TRPM1: variants seen among roughly 807,000 people sequenced by gnomAD.
TRPM1 encodes the protein TRPM1-203 APA Isoform, Intron 10.
TRPM1 carries 113 observed loss-of-function variants against 149.4 expected under a neutral mutation model. That is an observed-to-expected ratio of 0.76 (90% CI 0.65 to 0.88). TRPM1 has a LOEUF of 0.88. Ranked by LOEUF, TRPM1 falls within the 40% of genes least tolerant of loss-of-function variation. The probability of loss-of-function intolerance (pLI) is 0.00; values close to 1 mark genes in which losing one functional copy is unlikely to be tolerated. For synonymous variants in TRPM1, 741 were observed against 759.5 expected, an observed-to-expected ratio of 0.98 and a Z score of 0.40; for missense variants, 1,976 against 2,038.7, an observed-to-expected ratio of 0.97 and a Z score of 0.59.
At chr15:31,087,346 G>C (rs1019081461) in intron 1 of TRPM1, among the ~76,000 whole-genome samples, 6 of 137,802 alleles carry the variant, frequency 4.4e-5, no homozygotes, top group Middle Eastern at 3.8e-3. Flanking sequence ...CCGGGTTCAC[G>C]CCATTCTCCT....
At chr15:31,146,928 C>T (rs935265657) in intron 1 of TRPM1, among the ~76,000 whole-genome samples, 2 of 151,204 alleles carry the variant, frequency 1.3e-5, no homozygotes, top group Non-Finnish European at 2.9e-5. Context: ...GCAGAGGTTG[C>T]AGTGAGCTGA....
At chr15:31,013,948 A>G (rs1262815144) in intron 27 of TRPM1, among the ~76,000 whole-genome samples, 1 of 152,206 alleles carries the variant, frequency 6.6e-6, no homozygotes, top group East Asian at 1.9e-4. Context: ...GTATGTGTAT[A>G]TAGGGGCACA....
intron 11 of TRPM1, chr15:31,060,321 G>A (rs2034192687): frequency 3.4e-6 from 2 of 588,448 alleles, no homozygotes; most frequent in Admixed American, 3.0e-5. Context: ...AAAATATTTG[G>A]TGATTAATTT....
intron 1 of TRPM1, among the ~76,000 whole-genome samples, chr15:31,129,865 AAG>A (rs766691313): frequency 2.6e-5 from 4 of 152,310 alleles, no homozygotes; most frequent in Non-Finnish European, 5.9e-5. Context: ...CTTGGCAGAG[AAG>A]AGAGAATATG....
At position 31,031,115 on chromosome 15, in the gene TRPM1, G is replaced by A; in HGVS notation, c.2995C>T (p.Leu999Phe). The part of the protein sequence containing the change: ...LYFVVIMLVV[L>F]MSFGVARQAI... ...TGACGGGCTACTCCGAAACTCATGA[G>A]CACGACCAGCATGATGACCACAAAG... is the stretch of plus-strand genomic sequence containing the variant. The change falls in exon 23 of 28, where the codon CTC (leucine) becomes TTC (phenylalanine). Residue 999 changes from leucine (L) to phenylalanine (F), a missense_variant. This residue lies in a region of TRPM1 where 1,332 missense variants were observed against 1,347.1 expected (regional missense o/e 0.99). Transcript: ENST00000256552. The A allele has an allele frequency of 6.2e-7, 1 of 1,614,184 alleles. No homozygotes were observed. The highest frequency in any genetic ancestry group is 8.5e-7 in the Non-Finnish European group (1 of 1,180,030).
chr15:31,122,654 A>AAAC (rs2035896477), intron 1 of TRPM1, among the ~76,000 whole-genome samples: 1 of 152,230 alleles, frequency 6.6e-6, no homozygotes, highest in South Asian at 2.1e-4. Flanking sequence ...GAAAACTATA[A>AAAC]AACTGTGATG....
At chr15:31,160,793 G>T (rs1157869591) in intron 1 of TRPM1, 1 of 1,216,430 alleles carries the variant, frequency 8.2e-7, no homozygotes, top group Non-Finnish European at 1.2e-6. Context: ...ACCCAGCACA[G>T]TTTGGGAGGA....
chr15:31,066,153 G>T lies in TRPM1; in HGVS notation c.713C>A (p.Thr238Asn). 1.9e-6 allele frequency: 3 copies of T among 1,614,176 alleles called. No homozygotes were observed. Among genetic ancestry groups the T allele is most frequent in the Non-Finnish European group, 2.5e-6 (3 of 1,180,026 alleles). The change falls in exon 7 of 28, where the codon ACC (threonine) becomes AAC (asparagine). Residue 238 changes from threonine to asparagine, a missense_variant. Around this residue, in one of 3 missense-constraint regions of TRPM1, gnomAD observed 1,332 missense variants for 1,347.1 expected, o/e 0.99. Transcript: ENST00000256552. The stretch of plus-strand genomic sequence containing the variant: ...CACCTCGGCGCCATACTTGCCCAGG[G>T]TGCCATTGTCAGCCAGGATGAAGTG... ...HTHFILADNG[T>N]LGKYGAEVKL...
chr15:31,078,870 A>G (rs568898566), intron 2 of TRPM1, among the ~76,000 whole-genome samples: 1 of 152,364 alleles, frequency 6.6e-6, no homozygotes, highest in African/African-American at 2.4e-5. Context: ...CAAGAACTCT[A>G]AACAAAGATT....
At chr15:31,027,764 A>G (rs1247361687) in intron 25 of TRPM1, among the ~76,000 whole-genome samples, 5 of 152,184 alleles carry the variant, frequency 3.3e-5, no homozygotes, top group Non-Finnish European at 7.4e-5. Flanking sequence ...TTTTCCCTCT[A>G]TATTTTTCAT....
At position 31,094,605 on chromosome 15, in the gene TRPM1, A is replaced by G. The variant is rs1038744051; in HGVS notation, c.-84+7052T>C. Among the ~76,000 whole-genome samples, 4 of 152,260 alleles carry G rather than the reference A, an allele frequency of 2.6e-5. No individual in the cohort carries two copies. The South Asian group carries it at 8.3e-4, about 32-fold the overall frequency. On this transcript the variant is annotated intron_variant, in intron 1 of 27. Transcript: ENST00000256552. ...AGATATACAAATGGCCAACAAACAC[A>G]TGAAAAGATACCCAACATCTTTAGA...
At chr15:31,102,678 C>A (rs1420386073), upstream of TRPM1, among the ~76,000 whole-genome samples, 2 of 152,206 alleles carry the variant, frequency 1.3e-5, no homozygotes, top group Non-Finnish European at 2.9e-5. Flanking sequence ...TGGCAGACAG[C>A]CTGGGGCTCA....
chr15:31,131,251 G>A (rs2004777), intron 1 of TRPM1, among the ~76,000 whole-genome samples: 102,812 of 152,118 alleles, frequency 0.68, 34,935 homozygotes, highest in East Asian at 0.79. Flanking sequence ...GGTCAGCCTT[G>A]TGCTACTTAA....
chr15:31,015,343 C>T (rs868406706), intron 27 of TRPM1, among the ~76,000 whole-genome samples: 3 of 150,892 alleles, frequency 2.0e-5, no homozygotes, highest in Non-Finnish European at 2.9e-5. Flanking sequence ...ACCTGGGAGG[C>T]GGAGGCTGCA....
chr15:31,021,401 G>T (rs2032545360), intron 27 of TRPM1, among the ~76,000 whole-genome samples: 1 of 152,162 alleles, frequency 6.6e-6, no homozygotes, highest in African/African-American at 2.4e-5. Flanking sequence ...CATCAAGCCT[G>T]CAGGCAATCC....
intron 1 of TRPM1, among the ~76,000 whole-genome samples, chr15:31,111,625 T>C (rs1380234183): frequency 2.6e-5 from 4 of 152,184 alleles, no homozygotes; most frequent in African/African-American, 4.8e-5. Flanking sequence ...CTGAGCCCCA[T>C]GTAGGCAGCT....
chr15:31,004,403 T>G (rs1377255182), intron 27 of TRPM1, among the ~76,000 whole-genome samples: 4 of 151,986 alleles, frequency 2.6e-5, no homozygotes, highest in Non-Finnish European at 5.9e-5. Flanking sequence ...CCCACCCTGC[T>G]GCTTCTGTGG....
intron 15 of TRPM1, 110 bp downstream of exon 15, chr15:31,047,001 G>T: frequency 6.9e-7 from 1 of 1,459,352 alleles, no homozygotes; most frequent in Non-Finnish European, 9.6e-7. Context: ...CAGCTGTGCT[G>T]GGGACAGGGC....
intron 3 of TRPM1, among the ~76,000 whole-genome samples, chr15:31,071,975 A>C (rs186031739): frequency 0.011 from 956 of 87,482 alleles, 16 homozygotes; most frequent in African/African-American, 0.041. Context: ...AAAAAAAAAA[A>C]AAAACATATA....
Sources: gnomAD v4.1 joint callset for allele counts (sites outside exome capture counted in the v4.1 genomes callset) on GRCh38, gnomAD v4.1.1 for gene constraint, gnomAD v4.1.1 regional missense constraint, MANE v1.5 for transcripts, NCBI Gene and HGNC (gene_info 2026-07-23, HGNC 2026-07-21) for gene names.